Variants in PSMA8 observed in about 807,000 individuals in gnomAD.
PSMA8 encodes the protein proteasome 20S subunit alpha 8, also known as proteasome subunit alpha-type 8.
A neutral mutation model predicts 32.4 loss-of-function variants in PSMA8; 18 were observed. The ratio of observed to expected loss-of-function variants is 0.56; its 90% CI spans 0.38 to 0.82. The LOEUF (loss-of-function observed/expected upper bound fraction) is 0.82. Among genes scored for constraint, PSMA8 ranks in the 40% least tolerant of loss-of-function variants. The probability of loss-of-function intolerance (pLI) is 0.00; values close to 1 mark genes in which losing one functional copy is unlikely to be tolerated. For synonymous variants in PSMA8, 104 were observed against 98.1 expected (o/e 1.06, Z -0.36); for missense variants, 298 against 300.7 (o/e 0.99, Z 0.07).
At chr18:26,165,916 T>G (rs1166943988) in intron 4 of PSMA8, among the ~76,000 whole-genome samples, 1 of 151,668 alleles carries the variant, frequency 6.6e-6, no homozygotes, top group Non-Finnish European at 1.5e-5. Flanking sequence ...GCCAACATGG[T>G]GAAACCCCAT....
At position 26,161,407 on chromosome 18, in the gene PSMA8, A is replaced by G. The variant is rs146462510; in HGVS notation, c.477+3163A>G. ...TGTAAGATGTCACACAGCTACTGCTATTACTGAGTCTTCATAGCCTGTTCT... is the reference window on the plus strand; with the variant it reads ...TGTAAGATGTCACACAGCTACTGCTGTTACTGAGTCTTCATAGCCTGTTCT... On this transcript the variant is annotated intron_variant, in intron 4 of 6. Coordinates refer to ENST00000415576, the MANE Select transcript of PSMA8 (RefSeq NM_001025096.2). 1.2e-4 allele frequency among the ~76,000 whole-genome samples: 18 copies of G among 152,350 alleles called. No individual in the cohort carries two copies. In the East Asian group the frequency reaches 3.5e-3, roughly 29 times the overall value.
rs552677544 is a variant in PSMA8, at chr18:26,171,334, C to G, written c.478-7496C>G. 29 of 1,521,848 alleles carry G rather than the reference C, an allele frequency of 1.9e-5. 3 individuals are homozygous for G. The highest frequency in any genetic ancestry group is 2.6e-5 in the Non-Finnish European group (29 of 1,120,698). The allele number at this position is 1,521,848 out of a possible 1,614,324, so 94.3% of individuals were successfully genotyped here. On this transcript the variant is annotated intron_variant, in intron 4 of 6. Transcript: ENST00000415576. Reference sequence around the variant, plus strand: ...AGCCCGCTCGTTACAGCAGAACGCGCGGTCAAGTTTGGCGCGAAATTGTCG... The same window carrying G: ...AGCCCGCTCGTTACAGCAGAACGCGGGGTCAAGTTTGGCGCGAAATTGTCG...
chr18:26,147,388 A>G (rs2055012668), intron 2 of PSMA8, among the ~76,000 whole-genome samples: 1 of 152,176 alleles, frequency 6.6e-6, no homozygotes, highest in Non-Finnish European at 1.5e-5. Flanking sequence ...AAGGGAAATG[A>G]ACAGATATCT....
chr18:26,149,629 T>A (rs2055029766), intron 2 of PSMA8, among the ~76,000 whole-genome samples: 1 of 152,210 alleles, frequency 6.6e-6, no homozygotes, highest in African/African-American at 2.4e-5. Context: ...AATCCTTGCA[T>A]GTATGATATG....
chr18:26,162,256 G>A (rs992074423), intron 4 of PSMA8, among the ~76,000 whole-genome samples: 19 of 151,988 alleles, frequency 1.3e-4, no homozygotes, highest in African/African-American at 4.6e-4. Context: ...TAGATCTCCA[G>A]AATTTATTTC....
intron 3 of PSMA8, among the ~76,000 whole-genome samples, chr18:26,156,102 G>A (rs917603907): frequency 6.6e-6 from 1 of 152,138 alleles, no homozygotes; most frequent in Non-Finnish European, 1.5e-5. Context: ...AAACCACAGT[G>A]ATGTCATCTC....
chr18:26,158,271 T>C, intron 4 of PSMA8, 27 bp downstream of exon 4: 1 of 1,540,636 alleles, frequency 6.5e-7, no homozygotes, highest in Non-Finnish European at 8.8e-7. Context: ...TTAATACTTT[T>C]TTAGAAGTTT....
intron 3 of PSMA8, 83 bp from the exon 4 acceptor site, chr18:26,158,039 C>G (rs2055104255): frequency 1.1e-6 from 1 of 877,518 alleles, no homozygotes; most frequent in South Asian, 1.8e-5. Flanking sequence ...GGAAGTGGAT[C>G]ATTTGGGCAG....
intron 1 of PSMA8, among the ~76,000 whole-genome samples, chr18:26,136,041 C>T (rs1007070039): frequency 2.0e-5 from 3 of 152,080 alleles, no homozygotes; most frequent in African/African-American, 7.2e-5. Context: ...TTATGAGTTA[C>T]AAATAAGCCA....
At chr18:26,162,547 A>G (rs1226044403) in intron 4 of PSMA8, among the ~76,000 whole-genome samples, 1 of 152,194 alleles carries the variant, frequency 6.6e-6, no homozygotes, top group Non-Finnish European at 1.5e-5. Flanking sequence ...GATTATTAAC[A>G]TTTTTAATGC....
intron 2 of PSMA8, among the ~76,000 whole-genome samples, chr18:26,147,210 CAAAA>C (rs57358976): frequency 2.1e-5 from 1 of 48,288 alleles, no homozygotes; most frequent in African/African-American, 7.0e-5. Flanking sequence ...CACCCTGTCT[CAAAA>C]AAAAAAAAAA....
At chr18:26,174,246 A>G (rs1441720571) in intron 4 of PSMA8, among the ~76,000 whole-genome samples, 1 of 152,256 alleles carries the variant, frequency 6.6e-6, no homozygotes, top group Admixed American at 6.5e-5. Context: ...AATATTTTAT[A>G]GACATTTAGT....
intron 1 of PSMA8, chr18:26,140,103 T>G (rs2144269802): frequency 1.4e-6 from 1 of 703,060 alleles, no homozygotes. Context: ...TCTGCACATT[T>G]GAAAAAGTAA....
At chr18:26,180,474 T>C (rs933231011) in intron 6 of PSMA8, among the ~76,000 whole-genome samples, 2 of 152,006 alleles carry the variant, frequency 1.3e-5, no homozygotes, top group Non-Finnish European at 2.9e-5. Context: ...TTTCAATAAA[T>C]AAGAGAAATG....
At chr18:26,176,895 T>C (rs998561493) in intron 4 of PSMA8, among the ~76,000 whole-genome samples, 1 of 152,132 alleles carries the variant, frequency 6.6e-6, no homozygotes, top group African/African-American at 2.4e-5. Context: ...ATCACGCCAT[T>C]GCACTCCAGC....
At chr18:26,175,685 G>A (rs2055258628) in intron 4 of PSMA8, among the ~76,000 whole-genome samples, 1 of 152,186 alleles carries the variant, frequency 6.6e-6, no homozygotes, top group Non-Finnish European at 1.5e-5. Context: ...GCACTTCCGA[G>A]GTCTGTCAAG....
At chr18:26,147,932 A>G (rs1379108837) in intron 2 of PSMA8, among the ~76,000 whole-genome samples, 1 of 152,168 alleles carries the variant, frequency 6.6e-6, no homozygotes, top group East Asian at 1.9e-4. Flanking sequence ...AGTACTGTGA[A>G]CAATTGTACA....
chr18:26,157,867 A>G (rs551592384), intron 3 of PSMA8, among the ~76,000 whole-genome samples: 1 of 152,220 alleles, frequency 6.6e-6, no homozygotes, highest in African/African-American at 2.4e-5. Flanking sequence ...TACCAAACGT[A>G]TACAAAGCAA....
intron 4 of PSMA8, among the ~76,000 whole-genome samples, chr18:26,178,059 C>T (rs530258641): frequency 6.6e-6 from 1 of 151,566 alleles, no homozygotes. Flanking sequence ...AAAAAAAATT[C>T]TTTTTTAAAT....
Sources: allele counts gnomAD v4.1 joint callset (sites outside exome capture counted in the v4.1 genomes callset), GRCh38; gene constraint gnomAD v4.1.1; transcripts MANE v1.5; gene names NCBI Gene and HGNC (gene_info 2026-07-23, HGNC 2026-07-21).